Variants in ERCC1 observed in about 807,000 individuals in gnomAD.
ERCC1 encodes the protein DNA excision repair protein ERCC-1.
A neutral mutation model predicts 37.6 loss-of-function variants in ERCC1; 36 were observed. The ratio of observed to expected loss-of-function variants is 0.96; its 90% CI spans 0.73 to 1.26. The LOEUF (loss-of-function observed/expected upper bound fraction) is 1.26, where lower values mean the gene tolerates loss of function less well. Ranked by LOEUF, ERCC1 falls within the 50% of genes most tolerant of loss-of-function variation. The pLI is 0.00. For missense variants in ERCC1, 349 were observed against 376.5 expected, an observed-to-expected ratio of 0.93 and a Z score of 0.60; for synonymous variants, 156 against 162.1, an observed-to-expected ratio of 0.96 and a Z score of 0.28.
chr19:45,439,041 C>T (rs1975052082), intron 1 of ERCC1, among the ~76,000 whole-genome samples: 1 of 151,998 alleles, frequency 6.6e-6, no homozygotes, highest in Non-Finnish European at 1.5e-5. Flanking sequence ...ACAAAATTAG[C>T]CAGCCGTTGT....
chr19:45,417,813 C>A (rs140884628), intron 5 of ERCC1, among the ~76,000 whole-genome samples: 82 of 152,228 alleles, frequency 5.4e-4, no homozygotes, highest in Middle Eastern at 3.4e-3. Flanking sequence ...AATTCTCCTG[C>A]CTCAGCCTCC....
At position 45,437,272 on chromosome 19, in the gene ERCC1, ATG is replaced by A. The variant is rs200928204; in HGVS notation, c.-7-13893_-7-13892del. 6.2e-3 allele frequency among the ~76,000 whole-genome samples: 936 copies of A among 151,082 alleles called. 15 individuals are homozygous for A. The highest frequency in any genetic ancestry group is 0.021 in the African/African-American group (862 of 40,608). On this transcript the variant is annotated intron_variant, in intron 1 of 8. Transcript: ENST00000423698. ...CTCAAAAAAGAAAAAGAAAATATAT[ATG>A]TGTGTGTGTATATATATATATAATA...
At chr19:45,411,780 T>C (rs3212981) in intron 9 of ERCC1, among the ~76,000 whole-genome samples, 41,641 of 151,002 alleles carry the variant, frequency 0.28, 5,867 homozygotes, top group Admixed American at 0.36. Flanking sequence ...GGCAACAGAG[T>C]GAGACTCCAT....
intron 1 of ERCC1, among the ~76,000 whole-genome samples, chr19:45,448,964 T>C (rs1967030689): frequency 1.3e-5 from 2 of 152,078 alleles, no homozygotes; most frequent in African/African-American, 4.8e-5. Context: ...ATTAAATACG[T>C]TTATATAACC....
chr19:45,412,442 A>G (rs1330964582), intron 9 of ERCC1, among the ~76,000 whole-genome samples: 1 of 152,126 alleles, frequency 6.6e-6, no homozygotes, highest in Admixed American at 6.5e-5. Flanking sequence ...TACAGGCATG[A>G]GCCACTGCAC....
chr19:45,412,271 G>A (rs889225947), intron 9 of ERCC1, among the ~76,000 whole-genome samples: 13 of 152,050 alleles, frequency 8.5e-5, no homozygotes, highest in African/African-American at 2.9e-4. Context: ...AGATTCTCCT[G>A]CCTCAGCCAC....
chr19:45,444,100 C>T (rs1187397314), intron 1 of ERCC1, among the ~76,000 whole-genome samples: 1 of 147,384 alleles, frequency 6.8e-6, no homozygotes, highest in Non-Finnish European at 1.5e-5. Flanking sequence ...CCCAAGCTTT[C>T]CTCAATATCT....
At position 45,409,722 on chromosome 19, in the gene ERCC1, G is replaced by A. The variant is rs746659793; in HGVS notation, c.847C>T (p.Arg283Trp). 2.0e-5 allele frequency: 17 copies of A among 830,406 alleles called. No individual in the cohort carries two copies. Among genetic ancestry groups the A allele is most frequent in the African/African-American group, 3.3e-5 (2 of 60,056 alleles). 51.4% of individuals were successfully genotyped at this position (830,406 alleles called of 1,614,324 possible). A position where few individuals can be genotyped will look rare whatever the true frequency, so the allele number is the denominator to read the frequency against. Reference sequence around the variant, plus strand: ...TCGTGCAGGACATCAAACAGCCTCCGGGCCTGGATGGGAGGGAGAAAAAAA... The same window carrying A: ...TCGTGCAGGACATCAAACAGCCTCCAGGCCTGGATGGGAGGGAGAAAAAAA... ...LCPGLGPQKA[R>W]RLFDVLHEPF... Residue 283 changes from arginine (R) to tryptophan (W), a missense_variant, in exon 10 of 10, where the codon CGG (arginine) becomes TGG (tryptophan). Physicochemically the swap from Arg to Trp is moderately radical, Grantham distance 101 (BLOSUM62 -3). Coordinates refer to ENST00000300853, the MANE Select transcript of ERCC1 (RefSeq NM_001983.4).
intron 9 of ERCC1, among the ~76,000 whole-genome samples, chr19:45,412,788 G>A (rs982067224): frequency 6.6e-6 from 1 of 150,934 alleles, no homozygotes; most frequent in African/African-American, 2.4e-5. Context: ...TGTCCAGGCT[G>A]GAGTGCAATG....
In ERCC1 at chr19:45,423,302, G is replaced by A. The variant is rs1241115885; in HGVS notation, c.73C>T (p.Pro25Ser). 2 of 1,613,784 alleles carry A rather than the reference G, an allele frequency of 1.2e-6. No individual in the cohort carries two copies. Among genetic ancestry groups the A allele is most frequent in the Admixed American group, 1.7e-5 (1 of 59,966 alleles). ...GPPARKKFVI[P>S]LDEDEVPPGV... ...GGAGGGACCTCATCCTCGTCGAGGGGTATCACAAATTTCTTCCTTGCTGGC... is the reference window on the plus strand; with the variant it reads ...GGAGGGACCTCATCCTCGTCGAGGGATATCACAAATTTCTTCCTTGCTGGC... The change falls in exon 2 of 10, where the codon CCC becomes TCC. Residue 25 changes from proline (P) to serine (S), a missense_variant. Pro to Ser is a moderately conservative substitution (Grantham distance 74). Coordinates refer to ENST00000300853, the MANE Select transcript of ERCC1 (RefSeq NM_001983.4).
chr19:45,413,926 A>G (rs1264875644), intron 8 of ERCC1, 37 bp downstream of exon 8: 1 of 1,601,022 alleles, frequency 6.2e-7, no homozygotes. Flanking sequence ...AGGCAAGGGG[A>G]CAGAAATGCC....
intron 2 of ERCC1, 123 bp from the exon 3 acceptor site, chr19:45,421,516 CTG>C: frequency 1.4e-6 from 1 of 695,096 alleles, no homozygotes; most frequent in Non-Finnish European, 2.4e-6. Flanking sequence ...GTCACCCAGA[CTG>C]GAGTGTAGTG....
rs183071630 is a variant in ERCC1 at position 45,417,263 on chromosome 19, C to G, written c.526-366G>C. ...TGGCTGAGACAGCCCTGACTCTGCC[C>G]TCCCAGGGCTCACAGTCTGATGAGC... On this transcript the variant is annotated intron_variant, in intron 5 of 9. Coordinates refer to ENST00000300853, the MANE Select transcript of ERCC1 (RefSeq NM_001983.4). Among the ~76,000 whole-genome samples the G allele has an allele frequency of 1.8e-3, 281 of 152,290 alleles. 1 individual carries two copies. The highest frequency in any genetic ancestry group is 6.5e-3 in the African/African-American group (269 of 41,566).
At chr19:45,435,522 T>C (rs1410822617) in intron 1 of ERCC1, among the ~76,000 whole-genome samples, 2 of 152,176 alleles carry the variant, frequency 1.3e-5, no homozygotes, top group Non-Finnish European at 2.9e-5. Context: ...GAGTGCAGTG[T>C]GGTGATCACA....
At chr19:45,418,422 A>G (rs1974191716) in intron 5 of ERCC1, among the ~76,000 whole-genome samples, 1 of 152,218 alleles carries the variant, frequency 6.6e-6, no homozygotes, top group Non-Finnish European at 1.5e-5. Context: ...CGAGAGGCTG[A>G]GGCAGGAGAA....
At chr19:45,430,834 G>A (rs2123569758) in intron 1 of ERCC1, among the ~76,000 whole-genome samples, 2 of 152,068 alleles carry the variant, frequency 1.3e-5, no homozygotes, top group Admixed American at 1.3e-4. Context: ...GGAGAATTGG[G>A]AGATGAAGTT....
At chr19:45,410,942 G>A (rs1227328520) in intron 9 of ERCC1, among the ~76,000 whole-genome samples, 1 of 152,094 alleles carries the variant, frequency 6.6e-6, no homozygotes, top group East Asian at 1.9e-4. Context: ...TCCTGCCTCA[G>A]CCTCCCAAGT....
intron 4 of ERCC1, 152 bp from the exon 5 acceptor site, chr19:45,419,349 G>T (rs1974261712): frequency 3.0e-6 from 2 of 660,584 alleles, no homozygotes; most frequent in African/African-American, 3.6e-5. Flanking sequence ...CTTGCCCCAG[G>T]TCACTCTTCC....
At chr19:45,410,605 T>C (rs1973674159) in intron 9 of ERCC1, 1 of 78,304 alleles carries the variant, frequency 1.3e-5, no homozygotes, top group Non-Finnish European at 2.4e-5. Flanking sequence ...GTGGTACCCA[T>C]TAACCTTCCC....
Sources: allele counts gnomAD v4.1 joint callset (sites outside exome capture counted in the v4.1 genomes callset), GRCh38; gene constraint gnomAD v4.1.1; transcripts MANE v1.5; gene names NCBI Gene and HGNC (gene_info 2026-07-23, HGNC 2026-07-21).